CALN1: variants seen among roughly 807,000 people sequenced by gnomAD.
CALN1 encodes the protein calcium-binding protein 8.
CALN1 carries 17 observed loss-of-function variants against 30.6 expected under a neutral mutation model. The ratio of observed to expected loss-of-function variants is 0.56; its 90% CI spans 0.38 to 0.83. CALN1 has a LOEUF of 0.83. Ranked by LOEUF, CALN1 falls within the 40% of genes least tolerant of loss-of-function variation. The pLI, the probability that CALN1 is intolerant of heterozygous loss-of-function variation, is 0.00. For missense variants in CALN1, 291 were observed against 354.9 expected (o/e 0.82, Z 1.45); for synonymous variants, 156 against 131.4 (o/e 1.19, Z -1.28).
chr7:71,790,891 A>C (rs748813449), intron 6 of CALN1, among the ~76,000 whole-genome samples: 12 of 152,172 alleles, frequency 7.9e-5, no homozygotes, highest in Admixed American at 3.9e-4. Context: ...TGTTGGGGAC[A>C]TGAAATCAGG....
Position 71,928,513 on chromosome 7 carries a change from A to G in CALN1, c.501+95144T>C, listed in dbSNP as rs116263401. ...CACAATTTTACCCCGAATATTTTTG[A>G]TCCACGGTTATTTGAATCCATGGAT... On this transcript the variant is annotated intron_variant, in intron 5 of 6. Transcript: ENST00000395275. Among the ~76,000 whole-genome samples the G allele has an allele frequency of 2.8e-3, 430 of 151,446 alleles. 1 individual carries two copies. Among genetic ancestry groups the G allele is most frequent in the African/African-American group, 9.8e-3 (406 of 41,332 alleles).
In CALN1 at chr7:71,943,670, G is replaced by C. The variant is rs1391833331; in HGVS notation, c.501+79987C>G. 1.7e-4 allele frequency among the ~76,000 whole-genome samples: 26 copies of C among 152,056 alleles called. 1 individual carries two copies. The highest frequency in any genetic ancestry group is 1.7e-3 in the Admixed American group (26 of 15,262). ...TTGGCCAGGTTGATCTTGAACTCAT[G>C]AACTCAGGTCATTCACCCACCTCGG... is the stretch of plus-strand genomic sequence containing the variant. On this transcript the variant is annotated intron_variant, in intron 5 of 6. Transcript: ENST00000395275.
the CALN1 span, among the ~76,000 whole-genome samples, chr7:72,502,572 G>T: frequency 6.6e-6 from 1 of 151,736 alleles, no homozygotes; most frequent in African/African-American, 2.4e-5. Context: ...ATTTACCTTC[G>T]CATTATAGAA....
intron 3 of CALN1, among the ~76,000 whole-genome samples, chr7:72,183,411 G>C (rs993847211): frequency 7.2e-5 from 11 of 152,274 alleles, no homozygotes; most frequent in African/African-American, 2.6e-4. Flanking sequence ...AAAATTATGA[G>C]AGTCTAGAAG....
At chr7:72,500,430 A>G in the CALN1 span, among the ~76,000 whole-genome samples, 1 of 150,558 alleles carries the variant, frequency 6.6e-6, no homozygotes, top group South Asian at 2.1e-4. Context: ...GTAGGCATGC[A>G]CCACCACACT....
intron 4 of CALN1, among the ~76,000 whole-genome samples, chr7:72,034,932 G>T (rs1391008341): frequency 6.6e-6 from 1 of 151,838 alleles, no homozygotes; most frequent in Non-Finnish European, 1.5e-5. Context: ...AAAAAATGGG[G>T]AGGTCAAGGA....
the CALN1 span, among the ~76,000 whole-genome samples, chr7:72,470,368 AC>A: frequency 1.3e-5 from 2 of 151,798 alleles, no homozygotes; most frequent in Non-Finnish European, 1.5e-5. Flanking sequence ...AGATAGCAAG[AC>A]CCCCGACTCT....
At chr7:72,172,915 C>T (rs1480181315) in intron 3 of CALN1, among the ~76,000 whole-genome samples, 3 of 151,940 alleles carry the variant, frequency 2.0e-5, no homozygotes, top group African/African-American at 4.8e-5. Flanking sequence ...CCACTGTTAC[C>T]ACTTCTATTT....
chr7:72,341,636 G>A (rs1297643176), intron 2 of CALN1, among the ~76,000 whole-genome samples: 3 of 152,200 alleles, frequency 2.0e-5, no homozygotes, highest in Non-Finnish European at 4.4e-5. Context: ...GGAAACATTT[G>A]GCCAAAGCTC....
intron 3 of CALN1, among the ~76,000 whole-genome samples, chr7:72,230,283 T>C (rs1262725870): frequency 6.9e-6 from 1 of 145,152 alleles, no homozygotes. Context: ...ATTTTAAAAA[T>C]ATTTTAAAAA....
At chr7:72,383,038 G>A (rs186981290) in intron 2 of CALN1, among the ~76,000 whole-genome samples, 8 of 152,138 alleles carry the variant, frequency 5.3e-5, no homozygotes, top group East Asian at 1.9e-4. Flanking sequence ...CACCCTCCTC[G>A]GCCTCCCAAA....
At chr7:72,335,831 C>A (rs1399383725) in intron 2 of CALN1, among the ~76,000 whole-genome samples, 1 of 152,160 alleles carries the variant, frequency 6.6e-6, no homozygotes, top group Non-Finnish European at 1.5e-5. Flanking sequence ...ACGCTCTGTA[C>A]CCCCAGCCCG....
chr7:72,267,698 C>CA (rs1305135092), intron 3 of CALN1, among the ~76,000 whole-genome samples: 1 of 152,126 alleles, frequency 6.6e-6, no homozygotes, highest in Admixed American at 6.5e-5. Flanking sequence ...TTCACGTTTG[C>CA]AAAAATGTAG....
At chr7:71,940,659 A>T (rs1369264676) in intron 5 of CALN1, among the ~76,000 whole-genome samples, 1 of 152,130 alleles carries the variant, frequency 6.6e-6, no homozygotes, top group East Asian at 1.9e-4. Flanking sequence ...GGGTTGGTGT[A>T]GTGGCATGAT....
intron 1 of CALN1, among the ~76,000 whole-genome samples, chr7:72,409,942 T>C (rs1035739654): frequency 1.3e-5 from 2 of 152,210 alleles, no homozygotes; most frequent in Non-Finnish European, 2.9e-5. Context: ...TGCTTGATAA[T>C]GGTTTTCCCC....
the CALN1 span, among the ~76,000 whole-genome samples, chr7:72,489,989 A>T: frequency 3.3e-5 from 5 of 152,332 alleles, no homozygotes; most frequent in South Asian, 1.0e-3. Context: ...CCTAGTGGAG[A>T]CCATTCCAGA....
At chr7:72,195,717 C>T (rs1332286749) in intron 3 of CALN1, among the ~76,000 whole-genome samples, 1 of 152,070 alleles carries the variant, frequency 6.6e-6, no homozygotes, top group Admixed American at 6.5e-5. Context: ...TTCTTGGTGG[C>T]TAACACAGCA....
chr7:71,886,737 C>CA (rs1441248519), intron 5 of CALN1, among the ~76,000 whole-genome samples: 1 of 147,010 alleles, frequency 6.8e-6, no homozygotes, highest in Non-Finnish European at 1.5e-5. Context: ...CGCACCACTG[C>CA]ACTCCAGCCT....
At chr7:72,323,447 G>A (rs752259137) in intron 2 of CALN1, among the ~76,000 whole-genome samples, 1 of 152,076 alleles carries the variant, frequency 6.6e-6, no homozygotes, top group Non-Finnish European at 1.5e-5. Context: ...ATTGCCTGAG[G>A]TCAGGAGTTT....
Sources: allele counts gnomAD v4.1 joint callset (sites outside exome capture counted in the v4.1 genomes callset), GRCh38; gene constraint gnomAD v4.1.1; transcripts MANE v1.5; gene names NCBI Gene and HGNC (gene_info 2026-07-23, HGNC 2026-07-21).